TCF7L2: variants seen among roughly 807,000 people sequenced by gnomAD.
TCF7L2 encodes transcription factor 7-like 2.
In TCF7L2, 23 loss-of-function variants were observed where a neutral mutation model predicts 77.9. That is an observed-to-expected ratio of 0.30 (90% CI 0.21 to 0.42). The LOEUF is 0.42. TCF7L2 is among the 10% of genes least tolerant of loss of function. The probability of loss-of-function intolerance (pLI) is 1.00; values close to 1 mark genes in which losing one functional copy is unlikely to be tolerated. For missense variants in TCF7L2, 654 were observed against 793.1 expected, an observed-to-expected ratio of 0.82 and a Z score of 2.11; for synonymous variants, 413 against 340.2, an observed-to-expected ratio of 1.21 and a Z score of -2.36.
rs868321985 is a variant in TCF7L2, at chr10:113,102,143, G to T, written c.553-39041G>T. On this transcript the variant is annotated intron_variant, in intron 5 of 13. Transcript: ENST00000627217. ...AAAAAAAAAAAAAAAAAAAAAAAAA[G>T]TGAGAAAGAATGTGGTTTTGGTACT... Among the ~76,000 whole-genome samples, 33 of 127,902 alleles carry T rather than the reference G, an allele frequency of 2.6e-4. No homozygotes were observed. In the South Asian group the frequency reaches 6.3e-3, roughly 24 times the overall value. The allele number at this position is 127,902 out of a possible 152,430, so 83.9% of individuals were successfully genotyped here. A position where few individuals can be genotyped will look rare whatever the true frequency, so the allele number is the denominator to read the frequency against.
At chr10:113,118,664 G>GTTTTTTTTTTTTTTTTTTTTT (rs78459197) in intron 5 of TCF7L2, among the ~76,000 whole-genome samples, 3 of 68,268 alleles carry the variant, frequency 4.4e-5, no homozygotes, top group Non-Finnish European at 9.5e-5. Context: ...GTTTTTTTTT[G>GTTTTTTTTTTTTTTTTTTTTT]TTTTTTTTTT....
intron 4 of TCF7L2, among the ~76,000 whole-genome samples, chr10:113,008,684 A>C (rs1374730607): frequency 6.6e-6 from 1 of 152,248 alleles, no homozygotes; most frequent in Non-Finnish European, 1.5e-5. Flanking sequence ...AATACACATT[A>C]GTATAATCCC....
At chr10:112,968,224 C>T (rs544938864) in intron 4 of TCF7L2, among the ~76,000 whole-genome samples, 80 of 152,282 alleles carry the variant, frequency 5.3e-4, no homozygotes, top group African/African-American at 1.8e-3. Context: ...AATGGCACAA[C>T]ATGAGTTTGA....
intron 4 of TCF7L2, among the ~76,000 whole-genome samples, chr10:112,978,722 A>G (rs2039919899): frequency 6.8e-6 from 1 of 147,966 alleles, no homozygotes; most frequent in African/African-American, 2.5e-5. Flanking sequence ...CTTGTGATCC[A>G]CCTGTCTTGG....
intron 4 of TCF7L2, among the ~76,000 whole-genome samples, chr10:112,991,528 A>T (rs1404342069): frequency 6.6e-6 from 1 of 151,634 alleles, no homozygotes; most frequent in Non-Finnish European, 1.5e-5. Context: ...AGAAAGAAAA[A>T]AAAAGAAAGT....
intron 4 of TCF7L2, among the ~76,000 whole-genome samples, chr10:113,038,321 C>T (rs1282962493): frequency 1.3e-5 from 2 of 152,130 alleles, no homozygotes; most frequent in African/African-American, 4.8e-5. Flanking sequence ...GCAGACACAA[C>T]CGGACTAATA....
At chr10:113,070,003 A>T (rs557968563) in intron 5 of TCF7L2, among the ~76,000 whole-genome samples, 1 of 152,104 alleles carries the variant, frequency 6.6e-6, no homozygotes, top group South Asian at 2.1e-4. Flanking sequence ...CACACCTGTA[A>T]TCTCAGCACT....
chr10:113,082,971 G>A (rs1385759935), intron 5 of TCF7L2, among the ~76,000 whole-genome samples: 1 of 152,080 alleles, frequency 6.6e-6, no homozygotes, highest in African/African-American at 2.4e-5. Flanking sequence ...GGAGGGGTGA[G>A]CAGTGCTTTG....
intron 4 of TCF7L2, among the ~76,000 whole-genome samples, chr10:113,028,566 C>T (rs764092850): frequency 2.6e-5 from 4 of 152,178 alleles, no homozygotes; most frequent in Admixed American, 6.5e-5. Flanking sequence ...AAAAGGAAAA[C>T]GCAGCACGGG....
chr10:113,025,427 C>T (rs747672275), intron 4 of TCF7L2, among the ~76,000 whole-genome samples: 23 of 151,938 alleles, frequency 1.5e-4, no homozygotes, highest in African/African-American at 1.9e-4. Flanking sequence ...TTAGTAGGGT[C>T]GGAGTTTCAC....
intron 6 of TCF7L2, 146 bp from the exon 7 acceptor site, chr10:113,143,777 A>G: frequency 1.6e-6 from 1 of 613,452 alleles, no homozygotes; most frequent in Non-Finnish European, 2.8e-6. Flanking sequence ...CCTACCAACA[A>G]CTCAGGATTT....
In TCF7L2 at chr10:112,964,929, A is replaced by C. The variant is rs575218083; in HGVS notation, c.450+305A>C. ...AGAGAAGGCTGTGCTTATTGTTAAGAGTTTCTTGACCGGGCATAATGGGCA... is the reference window on the plus strand; with the variant it reads ...AGAGAAGGCTGTGCTTATTGTTAAGCGTTTCTTGACCGGGCATAATGGGCA... On this transcript the variant is annotated intron_variant, in intron 4 of 13. Coordinates refer to ENST00000627217, the MANE Select transcript of TCF7L2 (RefSeq NM_001146274.2). Among the ~76,000 whole-genome samples, 12 of 152,076 alleles carry C rather than the reference A, an allele frequency of 7.9e-5. No individual in the cohort carries two copies. The South Asian group carries it at 1.7e-3, about 21-fold the overall frequency.
At chr10:113,059,692 C>A (rs2056102008) in intron 5 of TCF7L2, among the ~76,000 whole-genome samples, 1 of 151,962 alleles carries the variant, frequency 6.6e-6, no homozygotes, top group African/African-American at 2.4e-5. Context: ...CTCAATTGTT[C>A]CTTTGGTTTT....
Position 112,964,200 on chromosome 10 carries a change from C to T in TCF7L2, c.382-356C>T, listed in dbSNP as rs148759605. ...TTGCAATTCTGATGACTTTTTGCAGCGCACAGTTCATTTTTCTTCAGCATC... is the reference window on the plus strand; with the variant it reads ...TTGCAATTCTGATGACTTTTTGCAGTGCACAGTTCATTTTTCTTCAGCATC... On this transcript the variant is annotated intron_variant, in intron 3 of 13. Transcript: ENST00000627217. Among the ~76,000 whole-genome samples, 411 of 152,154 alleles carry T rather than the reference C, an allele frequency of 2.7e-3. 2 individuals are homozygous for T. The highest frequency in any genetic ancestry group is 9.2e-3 in the African/African-American group (383 of 41,502).
intron 5 of TCF7L2, among the ~76,000 whole-genome samples, chr10:113,101,117 C>T (rs1012795898): frequency 1.3e-5 from 2 of 152,092 alleles, no homozygotes; most frequent in African/African-American, 4.8e-5. Context: ...TGTATCTTAT[C>T]CTTCTCAGTG....
chr10:113,149,440 T>G (rs1331773618), intron 8 of TCF7L2, among the ~76,000 whole-genome samples: 1 of 152,242 alleles, frequency 6.6e-6, no homozygotes, highest in African/African-American at 2.4e-5. Flanking sequence ...CAGCGTGGGA[T>G]TTTTGAGTGA....
At chr10:113,080,666 T>A (rs528630735) in intron 5 of TCF7L2, among the ~76,000 whole-genome samples, 6 of 152,358 alleles carry the variant, frequency 3.9e-5, no homozygotes, top group Non-Finnish European at 8.8e-5. Context: ...GCCATTTCAA[T>A]TTCGTACATT....
chr10:112,974,226 G>A (rs763131110), intron 4 of TCF7L2, among the ~76,000 whole-genome samples: 2 of 152,078 alleles, frequency 1.3e-5, no homozygotes, highest in Non-Finnish European at 2.9e-5. Context: ...GTATTTGTAC[G>A]AGTTGAGATA....
At chr10:112,992,652 G>A (rs370544646) in intron 4 of TCF7L2, among the ~76,000 whole-genome samples, 15 of 152,182 alleles carry the variant, frequency 9.9e-5, no homozygotes, top group East Asian at 7.8e-4. Context: ...GGAGTTTCTC[G>A]AGGAAGACTC....
Sources: allele counts gnomAD v4.1 joint callset (sites outside exome capture counted in the v4.1 genomes callset), GRCh38; gene constraint gnomAD v4.1.1; transcripts MANE v1.5; gene names NCBI Gene and HGNC (gene_info 2026-07-23, HGNC 2026-07-21).